SH3GL2: variants seen among roughly 807,000 people sequenced by gnomAD.
SH3GL2 encodes the protein SH3 domain containing GRB2 like 2, endophilin A1.
Under a neutral mutation model 46.0 loss-of-function variants are expected in SH3GL2, and 24 were observed. That is an observed-to-expected ratio of 0.52 (90% CI 0.38 to 0.73). The LOEUF (loss-of-function observed/expected upper bound fraction) is 0.73, where lower values mean the gene tolerates loss of function less well. SH3GL2 is among the 30% of genes least tolerant of loss of function. The probability of loss-of-function intolerance (pLI) is 0.00; values close to 1 mark genes in which losing one functional copy is unlikely to be tolerated. For synonymous variants in SH3GL2, 196 were observed against 147.1 expected, an observed-to-expected ratio of 1.33 and a Z score of -2.40; for missense variants, 413 against 424.2, an observed-to-expected ratio of 0.97 and a Z score of 0.23.
At chr9:17,640,211 TTA>T (rs1167781285) in intron 1 of SH3GL2, among the ~76,000 whole-genome samples, 5 of 152,126 alleles carry the variant, frequency 3.3e-5, no homozygotes, top group Non-Finnish European at 7.4e-5. Flanking sequence ...CTCTGCCAGT[TTA>T]TCTTATTTGC....
chr9:17,668,652 A>ATTTAT (rs3084638), intron 1 of SH3GL2, among the ~76,000 whole-genome samples: 51,781 of 151,276 alleles, frequency 0.34, 10,676 homozygotes, highest in South Asian at 0.58. Context: ...TCTCAGAACC[A>ATTTAT]TTTATTTTAT....
chr9:17,666,796 A>G (rs867901037), intron 1 of SH3GL2, among the ~76,000 whole-genome samples: 1 of 152,118 alleles, frequency 6.6e-6, no homozygotes, highest in Non-Finnish European at 1.5e-5. Context: ...TGCTAGATCA[A>G]AAGGTAAATG....
intron 1 of SH3GL2, among the ~76,000 whole-genome samples, chr9:17,657,709 A>T (rs73645116): frequency 1.4e-5 from 2 of 140,210 alleles, no homozygotes; most frequent in African/African-American, 2.6e-5. Context: ...TCACCTCCCT[A>T]TGCTCTGGAT....
At chr9:17,647,942 C>G (rs959466287) in intron 1 of SH3GL2, among the ~76,000 whole-genome samples, 6 of 152,140 alleles carry the variant, frequency 3.9e-5, no homozygotes, top group Admixed American at 2.6e-4. Flanking sequence ...CCTCAGCCTA[C>G]TCAACATGAA....
intron 2 of SH3GL2, among the ~76,000 whole-genome samples, chr9:17,753,422 G>C (rs1167864439): frequency 6.6e-6 from 1 of 152,174 alleles, no homozygotes; most frequent in African/African-American, 2.4e-5. Context: ...TTTCTGTAAT[G>C]ATCAGTGATG....
chr9:17,708,540 A>G (rs1821534841), intron 1 of SH3GL2, among the ~76,000 whole-genome samples: 1 of 152,044 alleles, frequency 6.6e-6, no homozygotes, highest in Non-Finnish European at 1.5e-5. Context: ...TGTCAAGTAT[A>G]TATTTAACAA....
intron 1 of SH3GL2, among the ~76,000 whole-genome samples, chr9:17,615,658 CAAAAAAAAAAAAAA>C (rs55926751): frequency 1.2e-5 from 1 of 82,648 alleles, no homozygotes; most frequent in African/African-American, 5.0e-5. Context: ...GACTCCGTCT[CAAAAAAAAAAAAAA>C]AAAAAAAAAA....
intron 1 of SH3GL2, among the ~76,000 whole-genome samples, chr9:17,609,779 C>A (rs1818826645): frequency 6.6e-6 from 1 of 152,156 alleles, no homozygotes; most frequent in African/African-American, 2.4e-5. Context: ...AAAGGCTCCC[C>A]CTTGAGAAGG....
chr9:17,729,277 G>T (rs1027685509), intron 1 of SH3GL2, among the ~76,000 whole-genome samples: 2 of 151,554 alleles, frequency 1.3e-5, no homozygotes, highest in African/African-American at 4.9e-5. Flanking sequence ...TTTGAAAAGT[G>T]TCTGTTTAAA....
intron 1 of SH3GL2, among the ~76,000 whole-genome samples, chr9:17,715,682 A>T (rs939169441): frequency 1.3e-5 from 2 of 151,970 alleles, no homozygotes; most frequent in Non-Finnish European, 2.9e-5. Flanking sequence ...ATGTGTATAT[A>T]TAAGCAGCTG....
chr9:17,686,742 A>C (rs201988991), intron 1 of SH3GL2, among the ~76,000 whole-genome samples: 2 of 143,290 alleles, frequency 1.4e-5, no homozygotes, highest in Non-Finnish European at 3.0e-5. Flanking sequence ...TGAACAGTGA[A>C]ATCACATGGA....
rs878876358 is a variant in SH3GL2, at chr9:17,764,693, A to T, written c.187+3184A>T. ...CTCCCGGGTGCTTGCTGGCTTTCAC[A>T]TCTTGGGTACATGGACAGGCCAGGG... On this transcript the variant is annotated intron_variant, in intron 3 of 8. Transcript: ENST00000380607. 1.9e-3 allele frequency among the ~76,000 whole-genome samples: 204 copies of T among 108,578 alleles called. 1 individual carries two copies. Among genetic ancestry groups the T allele is most frequent in the Non-Finnish European group, 1.9e-3 (100 of 51,590 alleles). The allele number at this position is 108,578 out of a possible 152,430, so 71.2% of individuals were successfully genotyped here. A position where few individuals can be genotyped will look rare whatever the true frequency, so the allele number is the denominator to read the frequency against.
chr9:17,789,738 C>A, intron 6 of SH3GL2, 188 bp downstream of exon 6: 1 of 1,357,070 alleles, frequency 7.4e-7, no homozygotes, highest in South Asian at 1.7e-5. Flanking sequence ...GTTTCTTCTG[C>A]ATTCCTGTAG....
chr9:17,726,999 A>T (rs1014887409), intron 1 of SH3GL2, among the ~76,000 whole-genome samples: 1 of 152,158 alleles, frequency 6.6e-6, no homozygotes, highest in African/African-American at 2.4e-5. Flanking sequence ...AGCAGGAGAC[A>T]TTAATAGAGA....
chr9:17,759,631 T>G (rs1287480851), intron 2 of SH3GL2, among the ~76,000 whole-genome samples: 1 of 152,062 alleles, frequency 6.6e-6, no homozygotes, highest in Non-Finnish European at 1.5e-5. Flanking sequence ...CTTAGAACAG[T>G]TTCTGACAAA....
intron 1 of SH3GL2, among the ~76,000 whole-genome samples, chr9:17,645,250 AGATGGGTCTCCTGAATACAACACACT>A (rs1352978415): frequency 2.9e-5 from 4 of 137,408 alleles, no homozygotes; most frequent in Non-Finnish European, 6.1e-5. Context: ...TTTGCACATG[AGATGGGTCTCCTGAATACAACACACT>A]GATGGGTCTC....
chr9:17,795,819 T>C lies in SH3GL2; in HGVS notation c.*76T>C. On this transcript the variant is annotated 3_prime_UTR_variant, in exon 9 of 9. Transcript: ENST00000380607. ...ACCACTGCTTTGGCAATGCTGCTTATAACACATCCCAAGTGCAGGCCGCAG... is the reference window on the plus strand; with the variant it reads ...ACCACTGCTTTGGCAATGCTGCTTACAACACATCCCAAGTGCAGGCCGCAG... 2 of 1,225,636 alleles carry C rather than the reference T, an allele frequency of 1.6e-6. No homozygotes were observed. The highest frequency in any genetic ancestry group is 2.3e-6 in the Non-Finnish European group (2 of 853,684). 75.9% of individuals were successfully genotyped at this position (1,225,636 alleles called of 1,614,324 possible).
chr9:17,696,084 A>G lies in SH3GL2; in HGVS notation c.46-50982A>G, dbSNP rs563970156. On this transcript the variant is annotated intron_variant, in intron 1 of 8. Transcript: ENST00000380607. ...CGAGCCTCTCTTTTCTCATCCCTTCAGTGAAGGCCCTCTGTAATACCCAAG... is the reference window on the plus strand; with the variant it reads ...CGAGCCTCTCTTTTCTCATCCCTTCGGTGAAGGCCCTCTGTAATACCCAAG... Among the ~76,000 whole-genome samples the G allele has an allele frequency of 5.3e-5, 8 of 152,290 alleles. No homozygotes were observed. The South Asian group carries it at 1.4e-3, about 28-fold the overall frequency.
chr9:17,596,495 C>T (rs905286154), intron 1 of SH3GL2, among the ~76,000 whole-genome samples: 1 of 152,178 alleles, frequency 6.6e-6, no homozygotes, highest in African/African-American at 2.4e-5. Flanking sequence ...TGTTCAGCCT[C>T]ATTCTCCAGC....
Sources: allele counts gnomAD v4.1 joint callset (sites outside exome capture counted in the v4.1 genomes callset), GRCh38; gene constraint gnomAD v4.1.1; transcripts MANE v1.5; gene names NCBI Gene and HGNC (gene_info 2026-07-23, HGNC 2026-07-21).